The following ZCWPW2 variants were observed in gnomAD, a reference collection of about 807,000 sequenced individuals.
The protein encoded by ZCWPW2 is zinc finger CW-type PWWP domain protein 2.
In ZCWPW2, 45 loss-of-function variants were observed where a neutral mutation model predicts 46.6. The observed-to-expected ratio is 0.96, with a 90% confidence interval of 0.76 to 1.24. The LOEUF is 1.24. ZCWPW2 is among the 50% of genes most tolerant of loss of function. The pLI, the probability that ZCWPW2 is intolerant of heterozygous loss-of-function variation, is 0.00. For missense variants in ZCWPW2, 429 were observed against 403.9 expected (o/e 1.06, Z -0.53); for synonymous variants, 152 against 137.1 (o/e 1.11, Z -0.76).
chr3:28,516,715 A>G (rs1323634749), intron 8 of ZCWPW2, among the ~76,000 whole-genome samples: 2 of 152,092 alleles, frequency 1.3e-5, no homozygotes, highest in African/African-American at 4.8e-5. Flanking sequence ...GTCTTATTAA[A>G]AGAAAGGAAA....
chr3:28,398,480 C>T (rs760800605), intron 2 of ZCWPW2, among the ~76,000 whole-genome samples: 7 of 152,052 alleles, frequency 4.6e-5, no homozygotes, highest in East Asian at 1.9e-4. Context: ...GAACAGTGTG[C>T]GGAGGCTCAC....
chr3:28,471,166 T>TA (rs1407302628), intron 4 of ZCWPW2, among the ~76,000 whole-genome samples: 4 of 152,176 alleles, frequency 2.6e-5, no homozygotes, highest in Non-Finnish European at 4.4e-5. Flanking sequence ...TGCTGAATTC[T>TA]ATGAAACGTT....
intron 4 of ZCWPW2, chr3:28,447,927 C>G: frequency 5.1e-6 from 4 of 780,922 alleles, no homozygotes; most frequent in Non-Finnish European, 8.7e-6. Flanking sequence ...TGAGATTGTC[C>G]AAAACAAAAA....
chr3:28,386,754 C>G (rs1341607878), intron 1 of ZCWPW2, among the ~76,000 whole-genome samples: 2 of 151,960 alleles, frequency 1.3e-5, no homozygotes, highest in African/African-American at 4.8e-5. Context: ...GTTTATTAAG[C>G]CTATGTTTTA....
chr3:28,429,434 T>C (rs1697152930), intron 3 of ZCWPW2, among the ~76,000 whole-genome samples: 1 of 152,162 alleles, frequency 6.6e-6, no homozygotes, highest in Non-Finnish European at 1.5e-5. Context: ...ATGTATTCAT[T>C]CACAAAGATA....
At chr3:28,509,079 T>A (rs1178217734) in intron 6 of ZCWPW2, among the ~76,000 whole-genome samples, 3 of 152,184 alleles carry the variant, frequency 2.0e-5, no homozygotes, top group Admixed American at 6.5e-5. Context: ...TCTGCTTCTA[T>A]AGATTTGCCT....
At chr3:28,403,715 G>C (rs1696040248) in intron 2 of ZCWPW2, among the ~76,000 whole-genome samples, 1 of 152,124 alleles carries the variant, frequency 6.6e-6, no homozygotes, top group South Asian at 2.1e-4. Flanking sequence ...CAATGGAACA[G>C]AATAGAGAAC....
intron 2 of ZCWPW2, among the ~76,000 whole-genome samples, chr3:28,409,253 G>A (rs1305243638): frequency 6.6e-6 from 1 of 151,002 alleles, no homozygotes; most frequent in Admixed American, 6.6e-5. Flanking sequence ...GCAAGTAGCT[G>A]GGATTACAGG....
chr3:28,471,248 C>T (rs1268180489), intron 4 of ZCWPW2, among the ~76,000 whole-genome samples: 6 of 152,138 alleles, frequency 3.9e-5, no homozygotes. Context: ...CTTTCAAACT[C>T]ATTCTATGAG....
chr3:28,424,374 T>C (rs1696919566), intron 3 of ZCWPW2, among the ~76,000 whole-genome samples: 1 of 152,100 alleles, frequency 6.6e-6, no homozygotes, highest in Non-Finnish European at 1.5e-5. Context: ...CAACCCTCAG[T>C]GCCTCAGAAT....
chr3:28,521,769 A>T (rs1700730136), intron 9 of ZCWPW2, among the ~76,000 whole-genome samples: 9 of 152,168 alleles, frequency 5.9e-5, no homozygotes, highest in Admixed American at 5.9e-4. Flanking sequence ...CATAGGGTAG[A>T]CACTTTCACG....
rs192668500 is a variant in ZCWPW2, at chr3:28,480,014, G to C, written c.610+1083G>C. Among the ~76,000 whole-genome samples the C allele has an allele frequency of 4.3e-3, 658 of 152,230 alleles. 5 individuals are homozygous for C. Among genetic ancestry groups the C allele is most frequent in the African/African-American group, 0.015 (606 of 41,526 alleles). ...GTTGAGTCATTGTCTTTGCTATTGT[G>C]AATAGTGTTGAACATATGTGTGCAT... is the stretch of plus-strand genomic sequence containing the variant. On this transcript the variant is annotated intron_variant, in intron 5 of 9. Coordinates refer to ENST00000383768, the MANE Select transcript of ZCWPW2 (RefSeq NM_001040432.4).
At chr3:28,366,859 G>A (rs1705137075) in intron 1 of ZCWPW2, among the ~76,000 whole-genome samples, 1 of 152,146 alleles carries the variant, frequency 6.6e-6, no homozygotes, top group African/African-American at 2.4e-5. Context: ...ACTTCTTCCT[G>A]ATTTAGTCTT....
intron 4 of ZCWPW2, among the ~76,000 whole-genome samples, chr3:28,439,437 T>C (rs1697657377): frequency 2.0e-5 from 3 of 152,218 alleles, no homozygotes; most frequent in Admixed American, 2.0e-4. Flanking sequence ...TGGCTCTGCC[T>C]TTCCCAGCCC....
intron 1 of ZCWPW2, among the ~76,000 whole-genome samples, chr3:28,389,575 C>A (rs1235678241): frequency 6.6e-5 from 10 of 152,154 alleles, no homozygotes; most frequent in African/African-American, 2.4e-4. Flanking sequence ...GTCTTTAAAT[C>A]TAATCAGAGA....
chr3:28,452,069 G>T (rs1258045129), intron 4 of ZCWPW2, among the ~76,000 whole-genome samples: 1 of 152,144 alleles, frequency 6.6e-6, no homozygotes, highest in Non-Finnish European at 1.5e-5. Flanking sequence ...CTCTATAACT[G>T]TGACATATTT....
intron 6 of ZCWPW2, among the ~76,000 whole-genome samples, chr3:28,493,601 A>G (rs1247140702): frequency 9.9e-6 from 1 of 101,494 alleles, no homozygotes; most frequent in Non-Finnish European, 2.2e-5. Flanking sequence ...ATAATGCCGC[A>G]ATAAACATAC....
chr3:28,358,496 C>CT (rs143604131), intron 1 of ZCWPW2, among the ~76,000 whole-genome samples: 3,988 of 152,224 alleles, frequency 0.026, 150 homozygotes, highest in African/African-American at 0.085. Flanking sequence ...GGAAAATTCT[C>CT]TAACATCAGT....
intron 1 of ZCWPW2, among the ~76,000 whole-genome samples, chr3:28,350,826 G>C (rs1265593710): frequency 2.6e-5 from 4 of 151,862 alleles, no homozygotes; most frequent in Non-Finnish European, 5.9e-5. Flanking sequence ...TAGGAAAAGA[G>C]AATGGTTAGA....
Sources: allele counts gnomAD v4.1 joint callset (sites outside exome capture counted in the v4.1 genomes callset), GRCh38; gene constraint gnomAD v4.1.1; transcripts MANE v1.5; gene names NCBI Gene and HGNC (gene_info 2026-07-23, HGNC 2026-07-21).